Variants in VCL observed in about 807,000 individuals in gnomAD.
VCL encodes the protein epididymis luminal protein 114.
Under a neutral mutation model 125.7 loss-of-function variants are expected in VCL, and 47 were observed. That is an observed-to-expected ratio of 0.37 (90% CI 0.30 to 0.48). VCL has a LOEUF of 0.48. Among genes scored for constraint, VCL ranks in the 20% least tolerant of loss-of-function variants. The pLI is 0.99. For synonymous variants in VCL, 458 were observed against 514.6 expected (o/e 0.89, Z 1.49); for missense variants, 1,069 against 1,455.5 (o/e 0.73, Z 4.32).
chr10:74,028,551 C>A (rs1246301299), intron 1 of VCL, among the ~76,000 whole-genome samples: 2 of 151,916 alleles, frequency 1.3e-5, no homozygotes. Context: ...CATCCACCAC[C>A]ATGCCCAACT....
Position 74,097,142 on chromosome 10 carries a change from C to T in VCL, c.1744-62C>T, listed in dbSNP as rs1314776712. The T allele has an allele frequency of 6.3e-7, 1 of 1,596,116 alleles. No individual in the cohort carries two copies. The highest frequency in any genetic ancestry group is 1.1e-5 in the South Asian group (1 of 90,232). On this transcript the variant is annotated intron_variant, in intron 12 of 21. Coordinates refer to ENST00000211998, the MANE Select transcript of VCL (RefSeq NM_014000.3). This position sits in a 1 kb window ranked among gnomAD's most constrained non-coding sequence, Gnocchi z 4.1. ...TGAATGAATGTCAGTGAAGTAAGGG[C>T]ATTAGTAGATATGCTTTGAGGATGT... is the stretch of plus-strand genomic sequence containing the variant.
intron 8 of VCL, among the ~76,000 whole-genome samples, chr10:74,086,119 G>A (rs913712582): frequency 9.9e-5 from 15 of 152,094 alleles, no homozygotes; most frequent in Non-Finnish European, 1.9e-4. Context: ...CGCCTGCTGC[G>A]GCCTCCCAAA....
Position 74,111,936 on chromosome 10 carries a change from ATAGGTG to A in VCL, c.2775_2780del (p.Gly926_Val927del), listed in dbSNP as rs757018106. The A allele has an allele frequency of 1.9e-5, 30 of 1,613,966 alleles. No homozygotes were observed. Among genetic ancestry groups the A allele is most frequent in the Non-Finnish European group, 2.5e-5 (29 of 1,180,008 alleles). On this transcript the variant is annotated inframe_deletion, in exon 19 of 22. Transcript: ENST00000211998. ...GGGCATCCCAGCCGCTGAGGTGGGT[ATAGGTG>A]TTGTAGCTGAGGCAGATGCGGCCGA...
rs1839957433 is a variant in VCL at position 74,095,714 on chromosome 10, G to A, written c.1602G>A (p.Met534Ile). 1 of 1,614,038 alleles carries A rather than the reference G, an allele frequency of 6.2e-7. No homozygotes were observed. Among genetic ancestry groups the A allele is most frequent in the African/African-American group, 1.3e-5 (1 of 74,906 alleles). Residue 534 changes from methionine (M) to isoleucine (I), a missense_variant, in exon 12 of 22, where the codon ATG (methionine) becomes ATA (isoleucine). Around this residue, in one of 6 missense-constraint regions of VCL, gnomAD observed 760 missense variants for 928.9 expected, o/e 0.82. Transcript: ENST00000211998. ...GGCATCGTCTGGCTAATGTTATGAT[G>A]GGGCCTTATCGGCAAGATCTTCTCG... The part of the protein sequence containing the change: ...AEGHRLANVM[M>I]GPYRQDLLAK...
chr10:74,094,453 G>T lies in VCL; in HGVS notation c.1535G>T (p.Arg512Leu), dbSNP rs367568441. ...RWIDNPTVDDRGVGQAAIRGL... is the reference protein window; with the variant it reads ...RWIDNPTVDDLGVGQAAIRGL... ...ATTGATAATCCCACAGTGGATGACC[G>T]TGGAGTCGGTAAGGGCAGCAGTGCA... Residue 512 changes from arginine (R) to leucine (L), a missense_variant, in exon 11 of 22, where the codon CGT (arginine) becomes CTT (leucine). Arg to Leu is a moderately radical substitution (Grantham distance 102). This residue lies in a region of VCL where 760 missense variants were observed against 928.9 expected (regional missense o/e 0.82). Coordinates refer to ENST00000211998, the MANE Select transcript of VCL (RefSeq NM_014000.3). 3.1e-6 allele frequency: 5 copies of T among 1,613,576 alleles called. No homozygotes were observed. The South Asian group carries it at 5.5e-5, about 18-fold the overall frequency.
At chr10:74,080,281 T>C (rs987414074) in intron 6 of VCL, among the ~76,000 whole-genome samples, 1 of 152,112 alleles carries the variant, frequency 6.6e-6, no homozygotes, top group Non-Finnish European at 1.5e-5. Flanking sequence ...TGGAGATTAG[T>C]AGAATCTTTA....
intron 14 of VCL, among the ~76,000 whole-genome samples, chr10:74,103,083 G>C (rs1279610832): frequency 1.3e-5 from 2 of 152,068 alleles, no homozygotes; most frequent in Non-Finnish European, 2.9e-5. Flanking sequence ...GGCCAGGCTG[G>C]TCTCAAACTC....
intron 1 of VCL, among the ~76,000 whole-genome samples, chr10:74,024,353 G>A (rs1840730850): frequency 6.6e-6 from 1 of 152,190 alleles, no homozygotes; most frequent in South Asian, 2.1e-4. Context: ...GCTCATGCCT[G>A]TAATCCCAGC....
chr10:74,073,131 G>T (rs1450057850), intron 5 of VCL, among the ~76,000 whole-genome samples: 1 of 152,002 alleles, frequency 6.6e-6, no homozygotes, highest in African/African-American at 2.4e-5. Flanking sequence ...AGTAGAGACG[G>T]GGTTTCACCA....
At chr10:74,109,893 C>CT (rs1241506121) in intron 18 of VCL, among the ~76,000 whole-genome samples, 3 of 151,912 alleles carry the variant, frequency 2.0e-5, no homozygotes, top group Non-Finnish European at 2.9e-5. Context: ...GACCCTAGAT[C>CT]TTTTTTTTAA....
At chr10:74,086,111 C>T (rs1265556511) in intron 8 of VCL, among the ~76,000 whole-genome samples, 2 of 152,164 alleles carry the variant, frequency 1.3e-5, no homozygotes, top group Non-Finnish European at 2.9e-5. Flanking sequence ...AGGTGATCCG[C>T]CTGCTGCGGC....
rs778944768 is a variant in VCL, at chr10:74,114,777, A to G, written c.3154-18A>G. On this transcript the variant is annotated intron_variant, in intron 20 of 21. Transcript: ENST00000211998. Reference sequence around the variant, plus strand: ...CAAGGCAAACAGAGAAACATACCAAATTAAACTTTCTCTTTAGGTATGTGA... The same window carrying G: ...CAAGGCAAACAGAGAAACATACCAAGTTAAACTTTCTCTTTAGGTATGTGA... 8.8e-6 allele frequency: 14 copies of G among 1,589,274 alleles called. No homozygotes were observed. Among genetic ancestry groups the G allele is most frequent in the East Asian group, 2.3e-5 (1 of 44,218 alleles).
rs1057521557 is a variant in VCL, at chr10:74,089,265, A to G, written c.1092A>G (p.Thr364=). The stretch of plus-strand genomic sequence containing the variant: ...TATCTCAGGGTCTGGATGTGCTCAC[A>G]GCAAAAGTGGAAAATGCAGCTCGCA... ...QQVSQGLDVL[T]AKVENAARKL... The change falls in exon 9 of 22, where the codon ACA becomes ACG. Residue 364 remains threonine (T), a synonymous_variant. Coordinates refer to ENST00000211998, the MANE Select transcript of VCL (RefSeq NM_014000.3). The G allele has an allele frequency of 1.2e-6, 2 of 1,614,184 alleles. No homozygotes were observed. The highest frequency in any genetic ancestry group is 1.7e-6 in the Non-Finnish European group (2 of 1,180,044).
At chr10:74,008,002 C>T (rs1456434936) in intron 1 of VCL, among the ~76,000 whole-genome samples, 1 of 152,054 alleles carries the variant, frequency 6.6e-6, no homozygotes, top group Admixed American at 6.6e-5. Context: ...TGGGGATTCA[C>T]CATGTTGGCC....
intron 2 of VCL, among the ~76,000 whole-genome samples, chr10:74,061,028 T>C (rs906388357): frequency 1.3e-5 from 2 of 152,164 alleles, no homozygotes; most frequent in Non-Finnish European, 2.9e-5. Context: ...TACTAGTTGA[T>C]TGATTTAAAT....
rs370852950 is a variant in VCL at position 74,089,337 on chromosome 10, C to T, written c.1164C>T (p.Ile388=). ...TNSKQSIAKK[I]DAAQNWLADP... ...CAAAGCAGAGCATTGCAAAGAAGATCGATGCTGCTCAGGTAGTCACAGTGA... is the reference window on the plus strand; with the variant it reads ...CAAAGCAGAGCATTGCAAAGAAGATTGATGCTGCTCAGGTAGTCACAGTGA... Residue 388 remains isoleucine, a synonymous_variant, in exon 9 of 22, where the codon ATC becomes ATT. Transcript: ENST00000211998. 1.0e-4 allele frequency: 162 copies of T among 1,613,800 alleles called. No homozygotes were observed. In the South Asian group the frequency reaches 1.2e-3, roughly 12 times the overall value.
intron 10 of VCL, among the ~76,000 whole-genome samples, chr10:74,091,825 GA>G (rs940859588): frequency 7.9e-6 from 1 of 127,360 alleles, no homozygotes; most frequent in Admixed American, 7.9e-5. Context: ...GAAAAGAAAA[GA>G]AAAAAAAGAG....
intron 19 of VCL, among the ~76,000 whole-genome samples, chr10:74,113,890 A>T (rs1840269260): frequency 6.6e-6 from 1 of 152,076 alleles, no homozygotes; most frequent in South Asian, 2.1e-4. Context: ...TCAGACTAAT[A>T]TCTGGGTCTT....
chr10:74,080,568 A>C (rs142839079), intron 6 of VCL, among the ~76,000 whole-genome samples: 29 of 152,202 alleles, frequency 1.9e-4, no homozygotes, highest in Admixed American at 1.8e-3. Context: ...GTTAGAGTAG[A>C]CATAAAAATT....
Sources: gnomAD v4.1 joint callset for allele counts (sites outside exome capture counted in the v4.1 genomes callset) on GRCh38, gnomAD v4.1.1 for gene constraint, gnomAD v4.1.1 regional missense constraint, Gnocchi (gnomAD v3.1) non-coding constraint, MANE v1.5 for transcripts, NCBI Gene and HGNC (gene_info 2026-07-23, HGNC 2026-07-21) for gene names.